The following VEGFD variants were observed in gnomAD, a reference collection of about 807,000 sequenced individuals.
VEGFD encodes c-fos induced growth factor (vascular endothelial growth factor D).
Under a neutral mutation model 28.0 loss-of-function variants are expected in VEGFD, and 26 were observed. That is an observed-to-expected ratio of 0.93 (90% CI 0.68 to 1.29). VEGFD has a LOEUF of 1.29. Among genes scored for constraint, VEGFD ranks in the 50% most tolerant of loss-of-function variants. The pLI is 0.00. For missense variants in VEGFD, 294 were observed against 273.4 expected, an observed-to-expected ratio of 1.08 and a Z score of -0.53; for synonymous variants, 93 against 95.5, an observed-to-expected ratio of 0.97 and a Z score of 0.15.
intron 5 of VEGFD, 196 bp from the exon 6 acceptor site, chrX:15,347,555 T>G: frequency 3.1e-6 from 1 of 317,499 alleles, no homozygotes; most frequent in East Asian, 4.7e-5. Flanking sequence ...CAGGTTTGTG[T>G]GTTTTCTTAG....
chrX:15,354,809 A>G (rs1273710753), intron 4 of VEGFD, among the ~76,000 whole-genome samples: 1 of 111,575 alleles, frequency 9.0e-6, no homozygotes, highest in Non-Finnish European at 1.9e-5. Context: ...ACAGCCTGAA[A>G]TAAGTTTTAT....
chrX:15,371,693 A>G (rs1923312453), intron 1 of VEGFD, among the ~76,000 whole-genome samples: 2 of 112,272 alleles, frequency 1.8e-5, no homozygotes, highest in African/African-American at 6.5e-5. Flanking sequence ...AATTGGTATT[A>G]CAGGAGGGAA....
At chrX:15,355,584 T>C (rs1922848169) in intron 3 of VEGFD, among the ~76,000 whole-genome samples, 1 of 112,443 alleles carries the variant, frequency 8.9e-6, no homozygotes, top group Non-Finnish European at 1.9e-5. Flanking sequence ...ATTAAAGCTA[T>C]GCAGTTTCTT....
intron 1 of VEGFD, among the ~76,000 whole-genome samples, chrX:15,377,744 C>T (rs1923472167): frequency 9.0e-6 from 1 of 111,422 alleles, no homozygotes; most frequent in African/African-American, 3.3e-5. Context: ...CACTTCTGGG[C>T]CAGAGAATTT....
intron 2 of VEGFD, among the ~76,000 whole-genome samples, chrX:15,359,169 G>A (rs779720267): frequency 1.4e-4 from 15 of 110,041 alleles, no homozygotes; most frequent in Non-Finnish European, 2.6e-4. Flanking sequence ...CCTTCCCCTC[G>A]TGTGTGAGCT....
At chrX:15,355,364 T>C (rs1922842750) in intron 3 of VEGFD, 66 bp from the exon 4 acceptor site, 15 of 962,268 alleles carry the variant, frequency 1.6e-5, no homozygotes, top group South Asian at 6.0e-5. Flanking sequence ...AAAGTTGTTC[T>C]AGTCTGAATT....
chrX:15,359,325 A>ACTCT (rs1196818759), intron 2 of VEGFD, among the ~76,000 whole-genome samples: 2 of 80,692 alleles, frequency 2.5e-5, no homozygotes, highest in Non-Finnish European at 2.3e-5. Context: ...TCTCACACAC[A>ACTCT]CTCTCTCTCT....
chrX:15,361,820 C>T (rs1396156869), intron 2 of VEGFD, among the ~76,000 whole-genome samples: 4 of 111,061 alleles, frequency 3.6e-5, no homozygotes, highest in Non-Finnish European at 7.5e-5. Flanking sequence ...AGTACCTACT[C>T]ACACTGGTTT....
intron 1 of VEGFD, among the ~76,000 whole-genome samples, chrX:15,366,548 A>G (rs1327577950): frequency 9.0e-6 from 1 of 111,378 alleles, no homozygotes; most frequent in Non-Finnish European, 1.9e-5. Context: ...TTCTTTCTCC[A>G]ACATTTAGAA....
At chrX:15,364,539 T>C (rs1178742912) in intron 1 of VEGFD, among the ~76,000 whole-genome samples, 1 of 112,108 alleles carries the variant, frequency 8.9e-6, no homozygotes, top group African/African-American at 3.2e-5. Context: ...ACAGAACGAA[T>C]TGAGATCCTT....
At chrX:15,370,258 T>C (rs770132535) in intron 1 of VEGFD, among the ~76,000 whole-genome samples, 1 of 112,268 alleles carries the variant, frequency 8.9e-6, no homozygotes, top group Admixed American at 9.5e-5. Context: ...ATCTGTCTTA[T>C]AGCAATAGTA....
chrX:15,355,203 G>C lies in VEGFD; in HGVS notation c.588C>G (p.Pro196=). The change falls in exon 4 of 7, where the codon CCC becomes CCG. Residue 196 remains proline (P), a synonymous_variant. Transcript: ENST00000297904. ...TTCTGATAATTGAGTATGGATGGCGGGGGGCTGTTGGCAAGCACTTACAAC... is the reference window on the plus strand; with the variant it reads ...TTCTGATAATTGAGTATGGATGGCGCGGGGCTGTTGGCAAGCACTTACAAC... ...HTGCKCLPTA[P]RHPYSIIRRS... 2 of 1,206,187 alleles carry C rather than the reference G, an allele frequency of 1.7e-6. No homozygotes were observed. Among genetic ancestry groups the C allele is most frequent in the Non-Finnish European group, 2.2e-6 (2 of 893,367 alleles).
intron 1 of VEGFD, among the ~76,000 whole-genome samples, chrX:15,364,202 A>C (rs1194897415): frequency 8.9e-6 from 1 of 111,957 alleles, no homozygotes; most frequent in Middle Eastern, 4.2e-3. Context: ...TTTTCTTTTA[A>C]AACCTACTAT....
chrX:15,378,302 G>A (rs1306268839), intron 1 of VEGFD, among the ~76,000 whole-genome samples: 1 of 112,187 alleles, frequency 8.9e-6, no homozygotes, highest in African/African-American at 3.2e-5. Flanking sequence ...ATGCCCACAG[G>A]AAAATAGCAC....
rs368648980 is a variant in VEGFD, at chrX:15,383,835, A to G, written c.90+22T>C. ...GAGCCAATAAAAAGAACTTCATCACATTAAAAATTGAGCTCACCTACCTTC... is the reference window on the plus strand; with the variant it reads ...GAGCCAATAAAAAGAACTTCATCACGTTAAAAATTGAGCTCACCTACCTTC... On this transcript the variant is annotated intron_variant, in intron 1 of 6. Transcript: ENST00000297904. 6 of 1,151,835 alleles carry G rather than the reference A, an allele frequency of 5.2e-6. No homozygotes were observed. The African/African-American group carries it at 7.1e-5, about 14-fold the overall frequency. 94.9% of individuals were successfully genotyped at this position (1,151,835 alleles called of 1,213,427 possible). A position where few individuals can be genotyped will look rare whatever the true frequency, so the allele number is the denominator to read the frequency against.
chrX:15,353,349 CAAT>C (rs1274108792), intron 4 of VEGFD, among the ~76,000 whole-genome samples, 181 bp from the exon 5 acceptor site: 9 of 112,481 alleles, frequency 8.0e-5, no homozygotes, highest in Non-Finnish European at 1.5e-4. Context: ...TAACTATAGT[CAAT>C]AATAATAATG....
rs182377086 is a variant in VEGFD at position 15,352,575 on chromosome X, T to A, written c.742+493A>T. Among the ~76,000 whole-genome samples the A allele has an allele frequency of 2.6e-3, 294 of 112,344 alleles. 1 individual carries two copies. The highest frequency in any genetic ancestry group is 9.3e-3 in the African/African-American group (288 of 30,962). On this transcript the variant is annotated intron_variant, in intron 5 of 6. Transcript: ENST00000297904. ...AAATTACTGGCGTGTTTTCATATGA[T>A]GCAGCTGACAGAAACCAAGTCCAAA...
At chrX:15,358,318 G>A in intron 2 of VEGFD, 125 bp from the exon 3 acceptor site, 2 of 605,941 alleles carry the variant, frequency 3.3e-6, no homozygotes, top group Non-Finnish European at 5.0e-6. Context: ...TTTACTAGAT[G>A]GATATTTTTT....
intron 5 of VEGFD, among the ~76,000 whole-genome samples, chrX:15,350,455 G>C (rs1569183100): frequency 8.9e-6 from 1 of 112,745 alleles, no homozygotes; most frequent in East Asian, 2.8e-4. Context: ...GCCAATGAAC[G>C]GTCTACAGGG....
Sources: allele counts gnomAD v4.1 joint callset (sites outside exome capture counted in the v4.1 genomes callset), GRCh38; gene constraint gnomAD v4.1.1; transcripts MANE v1.5; gene names NCBI Gene and HGNC (gene_info 2026-07-23, HGNC 2026-07-21).